Variants in ALDH1A1 observed in about 807,000 individuals in gnomAD.
ALDH1A1 encodes aldehyde dehydrogenase 1 family member A1, also known as aldehyde dehydrogenase 1A1.
ALDH1A1 carries 19 observed loss-of-function variants against 62.1 expected under a neutral mutation model. The ratio of observed to expected loss-of-function variants is 0.31; its 90% CI spans 0.21 to 0.45. The LOEUF (loss-of-function observed/expected upper bound fraction) is 0.45, where lower values mean the gene tolerates loss of function less well. ALDH1A1 is among the 20% of genes least tolerant of loss of function. The pLI is 1.00. For missense variants in ALDH1A1, 521 were observed against 607.1 expected (o/e 0.86, Z 1.49); for synonymous variants, 231 against 215.9 (o/e 1.07, Z -0.61).
At chr9:72,908,458 A>AAGAAG (rs1554739366) in intron 11 of ALDH1A1, among the ~76,000 whole-genome samples, 1 of 68,932 alleles carries the variant, frequency 1.5e-5, no homozygotes, top group Non-Finnish European at 2.8e-5. Context: ...AAAAAAAAAA[A>AAGAAG]AAGAAGAAAG....
At chr9:72,904,022 GTTA>G (rs1478541023) in intron 12 of ALDH1A1, among the ~76,000 whole-genome samples, 21 of 152,056 alleles carry the variant, frequency 1.4e-4, no homozygotes, top group Admixed American at 3.9e-4. Context: ...CTTTGTGACA[GTTA>G]TGTGGCTAGG....
rs1829795455 is a variant in ALDH1A1, at chr9:72,900,991, T to C, written c.*217A>G. On this transcript the variant is annotated 3_prime_UTR_variant, in exon 13 of 13. Transcript: ENST00000297785. ...ACATCCGAATTTGTCTTTTTTTATT[T>C]AGGATAGGACTTGGGGGTCACATTT... 2.3e-5 allele frequency: 9 copies of C among 384,748 alleles called. 1 individual carries two copies. Among genetic ancestry groups the C allele is most frequent in the Middle Eastern group, 6.9e-4 (1 of 1,456 alleles). 23.8% of individuals were successfully genotyped at this position (384,748 alleles called of 1,614,324 possible). A position where few individuals can be genotyped will look rare whatever the true frequency, so the allele number is the denominator to read the frequency against.
At position 72,916,333 on chromosome 9, in the gene ALDH1A1, A is replaced by AAG. The variant is rs558709135; in HGVS notation, c.1035+585_1035+586dup. 2.6e-5 allele frequency among the ~76,000 whole-genome samples: 4 copies of AAG among 152,068 alleles called. No individual in the cohort carries two copies. In the East Asian group the frequency reaches 5.8e-4, roughly 22 times the overall value. ...GAAGAGGGAAAGATGATCTTTGGATAAGAGAGAGAGAGACCTTTACTGATA... is the reference window on the plus strand; with the variant it reads ...GAAGAGGGAAAGATGATCTTTGGATAAGAGAGAGAGAGAGACCTTTACTGATA... On this transcript the variant is annotated intron_variant, in intron 9 of 12. Coordinates refer to ENST00000297785, the MANE Select transcript of ALDH1A1 (RefSeq NM_000689.5).
chr9:72,926,890 T>C (rs1830218710), intron 5 of ALDH1A1: 2 of 430,836 alleles, frequency 4.6e-6, no homozygotes, highest in South Asian at 9.6e-5. Context: ...GATGATGTAG[T>C]ATTAAAACAT....
At chr9:72,924,958 G>A (rs1053397626) in intron 6 of ALDH1A1, among the ~76,000 whole-genome samples, 4 of 152,218 alleles carry the variant, frequency 2.6e-5, no homozygotes, top group Non-Finnish European at 5.9e-5. Context: ...TTTTGAACAG[G>A]AAGATAAATG....
chr9:72,910,998 T>A (rs1177017194), intron 10 of ALDH1A1, among the ~76,000 whole-genome samples: 1 of 152,186 alleles, frequency 6.6e-6, no homozygotes, highest in Admixed American at 6.5e-5. Context: ...AATAAATGTT[T>A]CCTTAATTGA....
At chr9:72,903,520 T>C (rs1415442933) in intron 12 of ALDH1A1, among the ~76,000 whole-genome samples, 1 of 151,992 alleles carries the variant, frequency 6.6e-6, no homozygotes, top group Non-Finnish European at 1.5e-5. Context: ...TCTTGGAACA[T>C]CTTGCAGCAA....
chr9:72,921,503 C>CTTTTTTTTTTTTTTTTTTATTTTT (rs11327072), intron 7 of ALDH1A1, among the ~76,000 whole-genome samples: 1 of 109,506 alleles, frequency 9.1e-6, no homozygotes, highest in African/African-American at 3.5e-5. Context: ...ACATTTAATT[C>CTTTTTTTTTTTTTTTTTTATTTTT]TTTTTTTTTT....
chr9:72,912,034 C>A lies in ALDH1A1; in HGVS notation c.1124G>T (p.Trp375Leu). 1 of 1,613,938 alleles carries A rather than the reference C, an allele frequency of 6.2e-7. No individual in the cohort carries two copies. The highest frequency in any genetic ancestry group is 8.5e-7 in the Non-Finnish European group (1 of 1,179,886). ...GAKLECGGGPWGNKGYFVQPT... is the reference protein window; with the variant it reads ...GAKLECGGGPLGNKGYFVQPT... ...CTGGACAAAGTAGCCTTTATTCCCC[C>A]ACGGGCCTCCTCCACATTCCAGTTT... Residue 375 changes from tryptophan (W) to leucine (L), a missense_variant, in exon 10 of 13, where the codon TGG becomes TTG. Transcript: ENST00000297785.
rs377152165 is a variant in ALDH1A1, at chr9:72,952,964, G to A, written c.37C>T (p.Leu13Phe). Residue 13 changes from leucine to phenylalanine, a missense_variant, in exon 1 of 13, where the codon CTC (leucine) becomes TTC (phenylalanine). Physicochemically the swap from Leu to Phe is conservative, Grantham distance 22. Coordinates refer to ENST00000297785, the MANE Select transcript of ALDH1A1 (RefSeq NM_000689.5). ...SSGTPDLPVL[L>F]TDLKIQYTKI... ...GTATATTGAATCTTCAAATCGGTGA[G>A]TAGGACAGGTAAGTCTGGCGTGCCT... is the stretch of plus-strand genomic sequence containing the variant. 2.5e-6 allele frequency: 4 copies of A among 1,613,068 alleles called. No homozygotes were observed. The highest frequency in any genetic ancestry group is 3.4e-6 in the Non-Finnish European group (4 of 1,179,332).
intron 1 of ALDH1A1, chr9:72,942,387 A>C (rs1830424943): frequency 1.0e-6 from 1 of 984,840 alleles, no homozygotes; most frequent in Non-Finnish European, 1.2e-6. Flanking sequence ...CCCCAGCCCT[A>C]TCTCTCACAC....
intron 10 of ALDH1A1, among the ~76,000 whole-genome samples, chr9:72,910,711 G>A (rs1829971500): frequency 6.6e-6 from 1 of 152,052 alleles, no homozygotes; most frequent in African/African-American, 2.4e-5. Flanking sequence ...TCTGAATGAA[G>A]GAAGACAAAA....
chr9:72,947,687 A>G (rs967635445), intron 1 of ALDH1A1, among the ~76,000 whole-genome samples: 3 of 151,948 alleles, frequency 2.0e-5, no homozygotes, highest in Non-Finnish European at 4.4e-5. Flanking sequence ...AAAGGATATC[A>G]TGTGGGAAAG....
intron 1 of ALDH1A1, among the ~76,000 whole-genome samples, chr9:72,948,913 G>C (rs977946808): frequency 1.2e-4 from 18 of 151,880 alleles, no homozygotes; most frequent in Admixed American, 1.1e-3. Context: ...AGTTCATGTA[G>C]CTGAATTTGT....
intron 1 of ALDH1A1, among the ~76,000 whole-genome samples, chr9:72,941,037 C>T (rs1192432785): frequency 6.6e-6 from 1 of 152,116 alleles, no homozygotes; most frequent in East Asian, 1.9e-4. Context: ...CCAGCTTTCA[C>T]ATTTCTAATT....
At chr9:72,946,810 A>T (rs1360879462) in intron 1 of ALDH1A1, among the ~76,000 whole-genome samples, 1 of 151,872 alleles carries the variant, frequency 6.6e-6, no homozygotes, top group African/African-American at 2.4e-5. Context: ...TGATGTCTGT[A>T]TTTCTGTGAG....
At chr9:72,932,400 T>C (rs887864261) in intron 2 of ALDH1A1, among the ~76,000 whole-genome samples, 1 of 152,148 alleles carries the variant, frequency 6.6e-6, no homozygotes, top group Admixed American at 6.6e-5. Flanking sequence ...CACTTACAAG[T>C]CTGTGAATTA....
intron 1 of ALDH1A1, among the ~76,000 whole-genome samples, chr9:72,941,405 T>C (rs1588144249): frequency 1.3e-5 from 2 of 152,320 alleles, no homozygotes; most frequent in East Asian, 3.9e-4. Flanking sequence ...TGTATATTAC[T>C]ATATATCCCT....
At chr9:72,941,351 C>T (rs371427851) in intron 1 of ALDH1A1, among the ~76,000 whole-genome samples, 15 of 152,124 alleles carry the variant, frequency 9.9e-5, no homozygotes, top group African/African-American at 2.6e-4. Context: ...AAAAATTCCC[C>T]GGTGATCACT....
Sources: allele counts gnomAD v4.1 joint callset (sites outside exome capture counted in the v4.1 genomes callset), GRCh38; gene constraint gnomAD v4.1.1; transcripts MANE v1.5; gene names NCBI Gene and HGNC (gene_info 2026-07-23, HGNC 2026-07-21).